The following NT5M variants were observed in gnomAD, a reference collection of about 807,000 sequenced individuals.
The protein encoded by NT5M is 5'(3')-deoxyribonucleotidase, mitochondrial.
In NT5M, 22 loss-of-function variants were observed where a neutral mutation model predicts 22.2. That is an observed-to-expected ratio of 0.99 (90% CI 0.71 to 1.41). NT5M has a LOEUF of 1.41. Ranked by LOEUF, NT5M falls within the 40% of genes most tolerant of loss-of-function variation. The pLI is 0.00. For missense variants in NT5M, 322 were observed against 314.8 expected, an observed-to-expected ratio of 1.02 and a Z score of -0.17; for synonymous variants, 167 against 133.0, an observed-to-expected ratio of 1.26 and a Z score of -1.76.
chr17:17,303,859 C>T, intron 1 of NT5M, 42 bp downstream of exon 1: 3 of 1,337,984 alleles, frequency 2.2e-6, no homozygotes, highest in Non-Finnish European at 2.9e-6. Context: ...CTCCTTCTCG[C>T]CCCGAGCCCC....
chr17:17,329,014 G>A (rs1219663347), intron 3 of NT5M, among the ~76,000 whole-genome samples: 1 of 152,170 alleles, frequency 6.6e-6, no homozygotes, highest in Non-Finnish European at 1.5e-5. Context: ...GTCTCGCTCT[G>A]TCTCCCAGGC....
At chr17:17,311,855 G>A (rs551075866) in intron 2 of NT5M, among the ~76,000 whole-genome samples, 100 of 152,344 alleles carry the variant, frequency 6.6e-4, no homozygotes, top group African/African-American at 2.3e-3. Flanking sequence ...TGTTCCTGTA[G>A]CAGGAGTCTG....
At chr17:17,341,477 A>G (rs1567900829) in intron 3 of NT5M, among the ~76,000 whole-genome samples, 1 of 152,148 alleles carries the variant, frequency 6.6e-6, no homozygotes, top group Admixed American at 6.5e-5. Flanking sequence ...TTTTCTGAAG[A>G]CTTTCTGTGT....
chr17:17,340,013 G>A (rs1477739274), intron 3 of NT5M, among the ~76,000 whole-genome samples: 1 of 152,078 alleles, frequency 6.6e-6, no homozygotes, highest in African/African-American at 2.4e-5. Flanking sequence ...GAGTTTGGAA[G>A]TATTCCTTCC....
chr17:17,321,971 G>A (rs1417176430), intron 2 of NT5M, among the ~76,000 whole-genome samples: 1 of 152,110 alleles, frequency 6.6e-6, no homozygotes, highest in Non-Finnish European at 1.5e-5. Context: ...GGTGACACTA[G>A]GAGAGGTATT....
chr17:17,314,621 G>A (rs1056578998), intron 2 of NT5M, among the ~76,000 whole-genome samples: 6 of 152,066 alleles, frequency 3.9e-5, no homozygotes, highest in Admixed American at 2.6e-4. Context: ...GTAAAATCCC[G>A]CTGTCCCTTG....
intron 3 of NT5M, among the ~76,000 whole-genome samples, chr17:17,333,928 G>A (rs1433412169): frequency 6.6e-6 from 1 of 151,630 alleles, no homozygotes; most frequent in Admixed American, 6.6e-5. Flanking sequence ...CCACCTCCCG[G>A]GTTCATGCCA....
intron 2 of NT5M, among the ~76,000 whole-genome samples, 163 bp from the exon 3 acceptor site, chr17:17,323,022 G>C (rs2049183112): frequency 6.6e-6 from 1 of 152,198 alleles, no homozygotes. Flanking sequence ...GGGATAGGCC[G>C]ACACCTCTGG....
At chr17:17,305,293 TCTG>T (rs1379646795) in intron 1 of NT5M, among the ~76,000 whole-genome samples, 4 of 151,484 alleles carry the variant, frequency 2.6e-5, no homozygotes, top group African/African-American at 9.7e-5. Flanking sequence ...TTGGGAGTAA[TCTG>T]CTGGCTTCCA....
At chr17:17,307,797 A>G (rs1183596643) in intron 2 of NT5M, among the ~76,000 whole-genome samples, 1 of 152,098 alleles carries the variant, frequency 6.6e-6, no homozygotes, top group African/African-American at 2.4e-5. Flanking sequence ...CGGAGGTTGC[A>G]CGGTGAGCCA....
chr17:17,326,478 G>A lies in NT5M; in HGVS notation c.429+3233G>A, dbSNP rs74746253. 7.9e-3 allele frequency among the ~76,000 whole-genome samples: 1,196 copies of A among 152,338 alleles called. 15 individuals are homozygous for A. Among genetic ancestry groups the A allele is most frequent in the African/African-American group, 0.022 (907 of 41,574 alleles). ...GCTCTGGCTCACTTGAACAAAGGCA[G>A]GACTGATTAGAAGGATATTGCCTTG... is the stretch of plus-strand genomic sequence containing the variant. On this transcript the variant is annotated intron_variant, in intron 3 of 4. Transcript: ENST00000389022.
Position 17,322,046 on chromosome 17 carries a change from G to A in NT5M, c.369-1139G>A, listed in dbSNP as rs532956251. Among the ~76,000 whole-genome samples the A allele has an allele frequency of 4.6e-5, 7 of 152,172 alleles. No homozygotes were observed. In the South Asian group the frequency reaches 1.5e-3, roughly 32 times the overall value. The stretch of plus-strand genomic sequence containing the variant: ...AGGTGGGGAGGGTTAGGAACTGAGC[G>A]ACAAGGTGTTGGATCTGTACCTATG... On this transcript the variant is annotated intron_variant, in intron 2 of 4. Transcript: ENST00000389022.
intron 3 of NT5M, among the ~76,000 whole-genome samples, chr17:17,335,231 A>G (rs1054972813): frequency 1.2e-4 from 18 of 152,068 alleles, no homozygotes; most frequent in Non-Finnish European, 2.2e-4. Context: ...AACTTTGTTT[A>G]ATTGAAATTT....
At chr17:17,316,317 C>G (rs577876591) in intron 2 of NT5M, among the ~76,000 whole-genome samples, 9 of 152,150 alleles carry the variant, frequency 5.9e-5, no homozygotes, top group African/African-American at 2.2e-4. Context: ...CTTGGCCTCC[C>G]AAAGTGCTGG....
intron 2 of NT5M, among the ~76,000 whole-genome samples, chr17:17,311,547 AT>A (rs1567881325): frequency 6.6e-6 from 1 of 152,156 alleles, no homozygotes; most frequent in East Asian, 1.9e-4. Context: ...TTGAGCATCA[AT>A]ATAAGGATTT....
intron 2 of NT5M, among the ~76,000 whole-genome samples, chr17:17,317,604 A>G (rs553675651): frequency 1.1e-4 from 17 of 152,312 alleles, no homozygotes; most frequent in African/African-American, 4.1e-4. Context: ...AAAAACCACA[A>G]TTCACATTGT....
At chr17:17,343,276 C>T (rs756455477) in intron 3 of NT5M, among the ~76,000 whole-genome samples, 5 of 151,872 alleles carry the variant, frequency 3.3e-5, no homozygotes, top group Non-Finnish European at 5.9e-5. Context: ...TGTGCACACA[C>T]GTGTCCATGA....
rs559702480 is a variant in NT5M at position 17,309,717 on chromosome 17, A to G, written c.368+3074A>G. On this transcript the variant is annotated intron_variant, in intron 2 of 4. Transcript: ENST00000389022. ...TTTTGAGACAGAGTTTTTGAGACAG[A>G]GTTGCTGACCTTGGGTCAGCAATGG... Among the ~76,000 whole-genome samples, 3 of 143,532 alleles carry G rather than the reference A, an allele frequency of 2.1e-5. No homozygotes were observed. The East Asian group carries it at 6.2e-4, about 30-fold the overall frequency. The allele number at this position is 143,532 out of a possible 152,430, so 94.2% of individuals were successfully genotyped here. A position where few individuals can be genotyped will look rare whatever the true frequency, so the allele number is the denominator to read the frequency against.
At chr17:17,312,511 G>A (rs1178948284) in intron 2 of NT5M, among the ~76,000 whole-genome samples, 2 of 151,898 alleles carry the variant, frequency 1.3e-5, no homozygotes, top group Non-Finnish European at 2.9e-5. Flanking sequence ...AGGCATGGTG[G>A]TGCATGCCTG....
Sources: gnomAD v4.1 joint callset for allele counts (sites outside exome capture counted in the v4.1 genomes callset) on GRCh38, gnomAD v4.1.1 for gene constraint, MANE v1.5 for transcripts, NCBI Gene and HGNC (gene_info 2026-07-23, HGNC 2026-07-21) for gene names.